The following LNPEP variants were observed in gnomAD, a reference collection of about 807,000 sequenced individuals.
LNPEP encodes leucyl and cystinyl aminopeptidase.
A neutral mutation model predicts 120.6 loss-of-function variants in LNPEP; 64 were observed. The observed-to-expected ratio is 0.53, with a 90% CI of 0.43 to 0.65. The LOEUF (loss-of-function observed/expected upper bound fraction) is 0.65. Ranked by LOEUF, LNPEP falls within the 30% of genes least tolerant of loss-of-function variation. LNPEP has a pLI of 0.00. For synonymous variants in LNPEP, 435 were observed against 425.4 expected (o/e 1.02, Z -0.28); for missense variants, 1,057 against 1,200.0 (o/e 0.88, Z 1.76).
rs1790518335 is a variant in LNPEP, at chr5:96,996,418, G to T, written c.1436G>T (p.Trp479Leu). ...TTTGGCAATCTGGTAACAATGAAGT[G>T]GTGGAATGACCTATGGCTAAATGAA... is the stretch of plus-strand genomic sequence containing the variant. ...QWFGNLVTMK[W>L]WNDLWLNEGF... The change falls in exon 7 of 18, where the codon TGG becomes TTG. Residue 479 changes from tryptophan to leucine, a missense_variant. Trp to Leu is a moderately conservative substitution (Grantham distance 61). Transcript: ENST00000231368. 1 of 1,610,650 alleles carries T rather than the reference G, an allele frequency of 6.2e-7. No individual in the cohort carries two copies.
chr5:97,019,898 A>G (rs1298128199), intron 13 of LNPEP, among the ~76,000 whole-genome samples: 1 of 152,166 alleles, frequency 6.6e-6, no homozygotes, highest in East Asian at 1.9e-4. Flanking sequence ...GACACCACAT[A>G]ACAATGCAGT....
chr5:97,007,315 C>T (rs987680810), intron 11 of LNPEP, among the ~76,000 whole-genome samples: 11 of 152,020 alleles, frequency 7.2e-5, no homozygotes, highest in Non-Finnish European at 7.4e-5. Flanking sequence ...TAGAGACTGC[C>T]GGGTTCAATT....
chr5:97,008,334 C>CTT (rs1561450377), intron 11 of LNPEP, among the ~76,000 whole-genome samples: 2 of 48,676 alleles, frequency 4.1e-5, no homozygotes, highest in African/African-American at 1.6e-4. Context: ...TTTGTTTTTT[C>CTT]TTGTTTTTTT....
At chr5:96,956,026 A>C (rs1252015277) in intron 1 of LNPEP, among the ~76,000 whole-genome samples, 1 of 152,168 alleles carries the variant, frequency 6.6e-6, no homozygotes, top group Non-Finnish European at 1.5e-5. Context: ...TCTGATGTTG[A>C]CTATCTTTGT....
intron 13 of LNPEP, among the ~76,000 whole-genome samples, chr5:97,015,863 G>T (rs905556337): frequency 6.6e-6 from 1 of 152,100 alleles, no homozygotes; most frequent in Non-Finnish European, 1.5e-5. Context: ...ATTCTCATTG[G>T]TGAAAGGAAG....
At chr5:96,966,606 G>A (rs1789729920) in intron 1 of LNPEP, among the ~76,000 whole-genome samples, 1 of 150,684 alleles carries the variant, frequency 6.6e-6, no homozygotes, top group Non-Finnish European at 1.5e-5. Context: ...TTACCACTTA[G>A]TATATGTCGG....
rs61484219 is a variant in LNPEP, at chr5:97,002,087, G to A, written c.1654-1328G>A. ...CCAGGAGGCGGAGGTTGTAGTGAGT[G>A]GAGGTCGCACCACTGCACTCCAGCC... On this transcript the variant is annotated intron_variant, in intron 8 of 17. Coordinates refer to ENST00000231368, the MANE Select transcript of LNPEP (RefSeq NM_005575.3). Among the ~76,000 whole-genome samples the A allele has an allele frequency of 0.029, 4,429 of 152,098 alleles. 680 individuals are homozygous for A. The East Asian group carries it at 0.42, about 15-fold the overall frequency.
At chr5:97,006,981 G>A (rs963864307) in intron 11 of LNPEP, among the ~76,000 whole-genome samples, 3 of 152,070 alleles carry the variant, frequency 2.0e-5, no homozygotes, top group African/African-American at 7.2e-5. Context: ...ATGTTTTGGG[G>A]AACAAGAAAA....
intron 1 of LNPEP, among the ~76,000 whole-genome samples, chr5:96,951,116 G>C (rs537407939): frequency 6.6e-6 from 1 of 152,132 alleles, no homozygotes; most frequent in Non-Finnish European, 1.5e-5. Flanking sequence ...TGGAGAGAGC[G>C]AGCTTTGCTG....
rs60017687 is a variant in LNPEP at position 96,944,560 on chromosome 5, C to CTTT, written c.19+8410_19+8412dup. Among the ~76,000 whole-genome samples, 60 of 56,344 alleles carry CTTT rather than the reference C, an allele frequency of 1.1e-3. 9 individuals carry two copies. The highest frequency in any genetic ancestry group is 1.4e-3 in the South Asian group (2 of 1,402). The allele number at this position is 56,344 out of a possible 152,430, so 37.0% of individuals were successfully genotyped here. A position where few individuals can be genotyped will look rare whatever the true frequency, so the allele number is the denominator to read the frequency against. ...TTCTTTTTTGTTTTTCTTATTTTTG[C>CTTT]TTTTTTTTTTTTTTTTTTTTTTTTT... On this transcript the variant is annotated intron_variant, in intron 1 of 17. Coordinates refer to ENST00000231368, the MANE Select transcript of LNPEP (RefSeq NM_005575.3).
intron 4 of LNPEP, among the ~76,000 whole-genome samples, chr5:96,990,072 G>A (rs1790357742): frequency 6.6e-6 from 1 of 152,104 alleles, no homozygotes; most frequent in Non-Finnish European, 1.5e-5. Flanking sequence ...GATTATTGAG[G>A]CAACTGTAAC....
chr5:97,022,875 A>C (rs955764067), intron 14 of LNPEP, among the ~76,000 whole-genome samples: 1 of 144,836 alleles, frequency 6.9e-6, no homozygotes, highest in African/African-American at 2.6e-5. Flanking sequence ...CCTATGAGTG[A>C]GAACATGCGG....
chr5:96,954,772 A>T (rs1015053763), intron 1 of LNPEP, among the ~76,000 whole-genome samples: 11,934 of 26,984 alleles, frequency 0.44, 3,427 homozygotes, highest in Admixed American at 0.52. Flanking sequence ...ATATATATAT[A>T]TTTTTTTTTT....
chr5:96,947,862 G>A (rs948499299), intron 1 of LNPEP, among the ~76,000 whole-genome samples: 2 of 152,078 alleles, frequency 1.3e-5, no homozygotes, highest in Non-Finnish European at 2.9e-5. Flanking sequence ...CTATTTTACT[G>A]AAACCAGAGA....
chr5:96,954,729 TATATAC>T (rs1186689099), intron 1 of LNPEP, among the ~76,000 whole-genome samples: 19 of 108,108 alleles, frequency 1.8e-4, no homozygotes, highest in African/African-American at 5.7e-4. Flanking sequence ...TATACATATA[TATATAC>T]ATATATATAT....
chr5:97,009,666 A>G (rs1372926496), intron 11 of LNPEP, among the ~76,000 whole-genome samples: 3 of 141,276 alleles, frequency 2.1e-5, no homozygotes, highest in Middle Eastern at 7.6e-3. Flanking sequence ...TCCTCTTCTC[A>G]ACTGTGTTAT....
In LNPEP at chr5:96,991,551, T is replaced by C. The variant is rs553295931; in HGVS notation, c.1132-1464T>C. Among the ~76,000 whole-genome samples the C allele has an allele frequency of 5.4e-4, 83 of 152,366 alleles. No individual in the cohort carries two copies. The South Asian group carries it at 0.017, about 30-fold the overall frequency. On this transcript the variant is annotated intron_variant, in intron 4 of 17. Coordinates refer to ENST00000231368, the MANE Select transcript of LNPEP (RefSeq NM_005575.3). Reference sequence around the variant, plus strand: ...TTTGTGGTTTTGATTTGCATTTTGCTGATCATTAGTGATGTTGAGCATTTT... The same window carrying C: ...TTTGTGGTTTTGATTTGCATTTTGCCGATCATTAGTGATGTTGAGCATTTT...
chr5:96,998,455 A>C (rs1415334768), intron 8 of LNPEP, among the ~76,000 whole-genome samples: 1 of 152,196 alleles, frequency 6.6e-6, no homozygotes, highest in Admixed American at 6.5e-5. Context: ...AGAAGGTCCT[A>C]AGTAAGCTCT....
intron 2 of LNPEP, among the ~76,000 whole-genome samples, chr5:96,983,120 CT>C (rs1561440508): frequency 6.6e-6 from 1 of 152,296 alleles, no homozygotes; most frequent in East Asian, 1.9e-4. Context: ...ATGTAGGTTA[CT>C]GATTTGCCCA....
Sources: gnomAD v4.1 joint callset for allele counts (sites outside exome capture counted in the v4.1 genomes callset) on GRCh38, gnomAD v4.1.1 for gene constraint, MANE v1.5 for transcripts, NCBI Gene and HGNC (gene_info 2026-07-23, HGNC 2026-07-21) for gene names.